ITPR1: variants seen among roughly 807,000 people sequenced by gnomAD.
The protein encoded by ITPR1 is inositol 1,4,5-trisphosphate receptor type 1.
Under a neutral mutation model 318.4 loss-of-function variants are expected in ITPR1, and 96 were observed. The observed-to-expected ratio is 0.30, with a 90% CI of 0.26 to 0.36. ITPR1 has a LOEUF of 0.36. ITPR1 is among the 10% of genes least tolerant of loss of function. ITPR1 has a pLI of 1.00. For missense variants in ITPR1, 2,440 were observed against 3,460.2 expected (o/e 0.71, Z 7.40); for synonymous variants, 1,312 against 1,289.9 (o/e 1.02, Z -0.37).
intron 61 of ITPR1, among the ~76,000 whole-genome samples, chr3:4,837,345 C>T (rs1297147417): frequency 6.6e-6 from 1 of 152,074 alleles, no homozygotes; most frequent in Non-Finnish European, 1.5e-5. Context: ...ATCCTCACCC[C>T]ATATATTTAA....
In ITPR1 at chr3:4,545,548, AG is replaced by A. The variant is rs557997929; in HGVS notation, c.163+24456del. Among the ~76,000 whole-genome samples, 1,356 of 149,054 alleles carry A rather than the reference AG, an allele frequency of 9.1e-3. 21 individuals are homozygous for A. Among genetic ancestry groups the A allele is most frequent in the African/African-American group, 0.032 (1,280 of 40,288 alleles). ...TGAGGTGTAAGGATCTCTGGACCCT[AG>A]GAGACTGAAGCTGAAGTGAGCCATG... On this transcript the variant is annotated intron_variant, in intron 4 of 61. Transcript: ENST00000649015.
chr3:4,568,642 G>A (rs186596516), intron 4 of ITPR1, among the ~76,000 whole-genome samples: 33 of 152,262 alleles, frequency 2.2e-4, no homozygotes, highest in African/African-American at 3.4e-4. Context: ...CAAAGGTAAC[G>A]CAGCCTGCAA....
chr3:4,635,634 T>A (rs149579027), intron 5 of ITPR1, among the ~76,000 whole-genome samples: 2 of 151,452 alleles, frequency 1.3e-5, no homozygotes, highest in African/African-American at 2.4e-5. Flanking sequence ...CATGAGCCAC[T>A]GCGCCCAGCC....
At chr3:4,787,531 C>T (rs1375819311) in intron 51 of ITPR1, among the ~76,000 whole-genome samples, 1 of 93,636 alleles carries the variant, frequency 1.1e-5, no homozygotes, top group Non-Finnish European at 2.2e-5. Context: ...CCTGTCAATA[C>T]TGGAGGAAAA....
intron 15 of ITPR1, 112 bp from the exon 16 acceptor site, chr3:4,662,953 G>T: frequency 3.6e-6 from 3 of 822,186 alleles, no homozygotes; most frequent in Non-Finnish European, 5.9e-6. Flanking sequence ...ATTGGAAAGT[G>T]TGGGTCTGCC....
intron 10 of ITPR1, 128 bp downstream of exon 10, chr3:4,645,856 A>T: frequency 1.3e-6 from 1 of 751,910 alleles, no homozygotes; most frequent in Non-Finnish European, 2.2e-6. Flanking sequence ...ACCCACATAC[A>T]CACACCTACA....
intron 45 of ITPR1, among the ~76,000 whole-genome samples, chr3:4,767,395 G>A (rs968259957): frequency 2.0e-5 from 3 of 152,266 alleles, no homozygotes; most frequent in Non-Finnish European, 4.4e-5. Flanking sequence ...CCCTGGGCGG[G>A]GTTGGGGGCA....
At chr3:4,787,281 T>C (rs1454795830) in intron 51 of ITPR1, among the ~76,000 whole-genome samples, 1 of 126,020 alleles carries the variant, frequency 7.9e-6, no homozygotes, top group Non-Finnish European at 1.5e-5. Context: ...GAGGTTGCAG[T>C]GAGCTGAGAT....
intron 23 of ITPR1, among the ~76,000 whole-genome samples, chr3:4,676,144 C>T (rs2094180489): frequency 6.6e-6 from 1 of 150,476 alleles, no homozygotes; most frequent in Non-Finnish European, 1.5e-5. Context: ...GAGTTCGAGA[C>T]CAGGCTGGGC....
At chr3:4,573,230 C>A (rs892253873) in intron 4 of ITPR1, among the ~76,000 whole-genome samples, 5 of 152,162 alleles carry the variant, frequency 3.3e-5, no homozygotes, top group African/African-American at 9.7e-5. Context: ...TCTAATTTCT[C>A]CACATCTATC....
At chr3:4,777,839 A>T (rs970794120) in intron 48 of ITPR1, among the ~76,000 whole-genome samples, 1 of 152,170 alleles carries the variant, frequency 6.6e-6, no homozygotes, top group Non-Finnish European at 1.5e-5. Flanking sequence ...TAATCAAGGA[A>T]ATACCTTTTT....
intron 40 of ITPR1, among the ~76,000 whole-genome samples, chr3:4,723,714 G>T (rs751421388): frequency 5.3e-5 from 8 of 151,508 alleles, no homozygotes; most frequent in Non-Finnish European, 7.4e-5. Flanking sequence ...ATTGGCAAAG[G>T]GGTAAGAGGG....
chr3:4,762,029 G>A (rs545884354), intron 44 of ITPR1, among the ~76,000 whole-genome samples: 9 of 149,714 alleles, frequency 6.0e-5, no homozygotes, highest in East Asian at 3.9e-4. Flanking sequence ...GCCTCCCTTC[G>A]CTCCAAGGGC....
intron 35 of ITPR1, among the ~76,000 whole-genome samples, chr3:4,701,886 A>G (rs1032213219): frequency 1.3e-5 from 2 of 152,160 alleles, no homozygotes; most frequent in African/African-American, 4.8e-5. Flanking sequence ...CTTAAAATAG[A>G]CTTCCTTTCT....
intron 11 of ITPR1, 144 bp from the exon 12 acceptor site, chr3:4,653,698 G>T (rs2093645285): frequency 3.3e-6 from 2 of 614,540 alleles, no homozygotes; most frequent in Non-Finnish European, 6.0e-6. Context: ...CATTGTCGTG[G>T]CATGCTGGTT....
chr3:4,598,389 G>A (rs1220820699), intron 4 of ITPR1, among the ~76,000 whole-genome samples: 1 of 152,202 alleles, frequency 6.6e-6, no homozygotes, highest in African/African-American at 2.4e-5. Context: ...GGAGAATGAA[G>A]TGGGTGAATC....
chr3:4,778,871 G>A (rs2046643890), intron 48 of ITPR1, among the ~76,000 whole-genome samples: 1 of 152,186 alleles, frequency 6.6e-6, no homozygotes, highest in Non-Finnish European at 1.5e-5. Context: ...TTCAAGTCCT[G>A]TACATAAAGA....
chr3:4,567,292 G>C (rs568388907), intron 4 of ITPR1, among the ~76,000 whole-genome samples: 9 of 152,144 alleles, frequency 5.9e-5, no homozygotes, highest in East Asian at 5.8e-4. Context: ...CATTCCTGTA[G>C]CACTAGTGAT....
At chr3:4,773,442 C>T (rs2046309554) in intron 46 of ITPR1, among the ~76,000 whole-genome samples, 1 of 152,176 alleles carries the variant, frequency 6.6e-6, no homozygotes, top group Non-Finnish European at 1.5e-5. Flanking sequence ...ATAAGAGTTG[C>T]CTCTCTTTCA....
Sources: allele counts gnomAD v4.1 joint callset (sites outside exome capture counted in the v4.1 genomes callset), GRCh38; gene constraint gnomAD v4.1.1; transcripts MANE v1.5; gene names NCBI Gene and HGNC (gene_info 2026-07-23, HGNC 2026-07-21).